COL4A5: variants seen among roughly 807,000 people sequenced by gnomAD.
COL4A5 encodes the protein collagen alpha-5(IV) chain.
Under a neutral mutation model 130.2 loss-of-function variants are expected in COL4A5, and 26 were observed. That is an observed-to-expected ratio of 0.20 (90% CI 0.15 to 0.28). COL4A5 has a LOEUF of 0.28. Among genes scored for constraint, COL4A5 ranks in the 10% least tolerant of loss-of-function variants. The pLI, the probability that COL4A5 is intolerant of heterozygous loss-of-function variation, is 1.00. For missense variants in COL4A5, 1,131 were observed against 1,344.3 expected, an observed-to-expected ratio of 0.84 and a Z score of 2.48; for synonymous variants, 496 against 439.6, an observed-to-expected ratio of 1.13 and a Z score of -1.60.
At chrX:108,678,839 C>T (rs895074691) in intron 44 of COL4A5, among the ~76,000 whole-genome samples, 1 of 111,926 alleles carries the variant, frequency 8.9e-6, no homozygotes, top group African/African-American at 3.2e-5. Flanking sequence ...TCTTCCAGTA[C>T]AGGATCCAGG....
intron 13 of COL4A5, among the ~76,000 whole-genome samples, chrX:108,579,673 C>T (rs978702031): frequency 2.1e-4 from 24 of 111,875 alleles, no homozygotes; most frequent in African/African-American, 7.8e-4. Context: ...CTTTAACAAA[C>T]AGAATGTGTG....
At chrX:108,663,237 A>G (rs1436889506) in intron 37 of COL4A5, among the ~76,000 whole-genome samples, 1 of 111,961 alleles carries the variant, frequency 8.9e-6, no homozygotes, top group African/African-American at 3.2e-5. Context: ...TATTCTGTCA[A>G]GTTTTAAATT....
intron 1 of COL4A5, among the ~76,000 whole-genome samples, chrX:108,523,217 A>T (rs2065281638): frequency 9.0e-6 from 1 of 111,340 alleles, no homozygotes; most frequent in Non-Finnish European, 1.9e-5. Flanking sequence ...AGAGTTTTAT[A>T]GTTTTAGTTC....
At chrX:108,456,220 A>C (rs1211127493) in intron 1 of COL4A5, among the ~76,000 whole-genome samples, 2 of 111,346 alleles carry the variant, frequency 1.8e-5, no homozygotes, top group African/African-American at 3.3e-5. Context: ...TCATTTTTAA[A>C]ATTTTATTTT....
rs1203616884 is a variant in COL4A5 at position 108,473,633 on chromosome X, A to ATTTTT, written c.81+33436_81+33440dup. Among the ~76,000 whole-genome samples, 135 of 34,539 alleles carry ATTTTT rather than the reference A, an allele frequency of 3.9e-3. 1 individual carries two copies. The highest frequency in any genetic ancestry group is 0.012 in the African/African-American group (108 of 9,271). 30.0% of individuals were successfully genotyped at this position (34,539 alleles called of 115,157 possible). A position where few individuals can be genotyped will look rare whatever the true frequency, so the allele number is the denominator to read the frequency against. ...TATATGTATATATATATATATATAT[A>ATTTTT]TTTTTTTTTTTTTGAGATGAAGTCT... is the stretch of plus-strand genomic sequence containing the variant. On this transcript the variant is annotated intron_variant, in intron 1 of 52. Coordinates refer to ENST00000328300, the MANE Select transcript of COL4A5 (RefSeq NM_033380.3).
At chrX:108,468,418 A>G (rs2064730065) in intron 1 of COL4A5, among the ~76,000 whole-genome samples, 1 of 112,119 alleles carries the variant, frequency 8.9e-6, no homozygotes, top group Non-Finnish European at 1.9e-5. Context: ...GGTGAAACCA[A>G]GCATCCTTAG....
At chrX:108,590,959 A>G in intron 19 of COL4A5, 99 bp from the exon 20 acceptor site, 2 of 786,213 alleles carry the variant, frequency 2.5e-6, no homozygotes, top group Admixed American at 3.0e-5. Context: ...AACCAGAATT[A>G]TATGTTAAAG....
At position 108,490,708 on chromosome X, in the gene COL4A5, C is replaced by T. The variant is rs1222919186; in HGVS notation, c.82-49038C>T. Among the ~76,000 whole-genome samples the T allele has an allele frequency of 2.7e-5, 3 of 110,812 alleles. No homozygotes were observed. The East Asian group carries it at 8.5e-4, about 31-fold the overall frequency. On this transcript the variant is annotated intron_variant, in intron 1 of 52. Coordinates refer to ENST00000328300, the MANE Select transcript of COL4A5 (RefSeq NM_033380.3). Reference sequence around the variant, plus strand: ...TGAAGGTTTGTTACACAGGTAAACACGTGTCATGGGGGTTTGTTTTACATA... The same window carrying T: ...TGAAGGTTTGTTACACAGGTAAACATGTGTCATGGGGGTTTGTTTTACATA...
At position 108,597,513 on chromosome X, in the gene COL4A5, C is replaced by A. The variant is rs757337952; in HGVS notation, c.1724C>A (p.Pro575His). 9.9e-6 allele frequency: 12 copies of A among 1,210,520 alleles called. No individual in the cohort carries two copies. Among genetic ancestry groups the A allele is most frequent in the Non-Finnish European group, 1.3e-5 (12 of 895,159 alleles). The change falls in exon 24 of 53, where the codon CCT becomes CAT. Residue 575 changes from proline to histidine, a missense_variant. Physicochemically the swap from Pro to His is moderately conservative, Grantham distance 77 (BLOSUM62 -2). Transcript: ENST00000328300. ...GGAGCTCCAGGGCTTCCTGGTTTAC[C>A]TGGCACTCCTGGACAGGATGGATTG... ...SPGAPGLPGL[P>H]GTPGQDGLPG... is the part of the protein sequence containing the mutation.
At chrX:108,645,855 T>C (rs2067572887) in intron 36 of COL4A5, among the ~76,000 whole-genome samples, 1 of 109,351 alleles carries the variant, frequency 9.1e-6, no homozygotes, top group Admixed American at 9.8e-5. Flanking sequence ...CTTGCGATAG[T>C]TTGCTGAGAA....
At chrX:108,530,863 A>G (rs1457416065) in intron 1 of COL4A5, among the ~76,000 whole-genome samples, 3 of 108,577 alleles carry the variant, frequency 2.8e-5, no homozygotes, top group Non-Finnish European at 5.7e-5. Flanking sequence ...TACTAGGTAT[A>G]TACCCAAAGG....
chrX:108,596,067 C>A lies in COL4A5; in HGVS notation c.1516+466C>A, dbSNP rs1340996716. Among the ~76,000 whole-genome samples, 4 of 111,539 alleles carry A rather than the reference C, an allele frequency of 3.6e-5. No individual in the cohort carries two copies. In the East Asian group the frequency reaches 1.1e-3, roughly 31 times the overall value. ...TCTCTCTATATATAACACATCTATCCCCCTTTCCAGTCAAAACTATATGTG... is the reference window on the plus strand; with the variant it reads ...TCTCTCTATATATAACACATCTATCACCCTTTCCAGTCAAAACTATATGTG... On this transcript the variant is annotated intron_variant, in intron 22 of 52. Coordinates refer to ENST00000328300, the MANE Select transcript of COL4A5 (RefSeq NM_033380.3).
chrX:108,680,684 T>G lies in COL4A5; in HGVS notation c.3948T>G (p.Asn1316Lys), dbSNP rs770923439. 8.3e-7 allele frequency: 1 copy of G among 1,208,808 alleles called. No homozygotes were observed. Among genetic ancestry groups the G allele is most frequent in the Non-Finnish European group, 1.1e-6 (1 of 893,317 alleles). Residue 1316 changes from asparagine (N) to lysine (K), a missense_variant, in exon 45 of 53, where the codon AAT becomes AAG. Coordinates refer to ENST00000328300, the MANE Select transcript of COL4A5 (RefSeq NM_033380.3). ...TAATGATTTTATTTATTCAGGGTAA[T>G]CCTGGCCGGCCGGGTCTCAATGGAA... is the stretch of plus-strand genomic sequence containing the variant. ...GDQGPPGLQG[N>K]PGRPGLNGMK...
chrX:108,642,609 C>A (rs2067491953), intron 36 of COL4A5, among the ~76,000 whole-genome samples: 1 of 110,504 alleles, frequency 9.0e-6, no homozygotes, highest in African/African-American at 3.3e-5. Flanking sequence ...GGTAGACTTT[C>A]TGGGTGGCTA....
intron 1 of COL4A5, among the ~76,000 whole-genome samples, chrX:108,480,670 C>A (rs979806400): frequency 8.9e-6 from 1 of 112,767 alleles, no homozygotes; most frequent in African/African-American, 3.2e-5. Context: ...TACTAGGTAC[C>A]AGGAGATGTG....
intron 51 of COL4A5, 38 bp from the exon 52 acceptor site, chrX:108,695,229 C>T (rs765575422): frequency 5.0e-6 from 6 of 1,203,141 alleles, no homozygotes; most frequent in African/African-American, 3.5e-5. Flanking sequence ...TATTATGGCA[C>T]ATGGGTATTG....
rs181621573 is a variant in COL4A5 at position 108,645,132 on chromosome X, A to G, written c.3247-10199A>G. Among the ~76,000 whole-genome samples, 14 of 110,703 alleles carry G rather than the reference A, an allele frequency of 1.3e-4. 1 individual carries two copies. The highest frequency in any genetic ancestry group is 1.3e-3 in the Admixed American group (13 of 10,339). On this transcript the variant is annotated intron_variant, in intron 36 of 52. Transcript: ENST00000328300. ...TACATCAAAAAGACGAAAAGAGCACAAACTGACATTCCAAGGTCACACCTC... is the reference window on the plus strand; with the variant it reads ...TACATCAAAAAGACGAAAAGAGCACGAACTGACATTCCAAGGTCACACCTC...
chrX:108,520,284 G>T (rs2065253387), intron 1 of COL4A5, among the ~76,000 whole-genome samples: 1 of 111,380 alleles, frequency 9.0e-6, no homozygotes. Flanking sequence ...CATCCTTCGA[G>T]ATTTGTTTAG....
intron 21 of COL4A5, among the ~76,000 whole-genome samples, chrX:108,592,294 G>T (rs187680464): frequency 3.0e-4 from 33 of 110,976 alleles, no homozygotes; most frequent in African/African-American, 9.8e-4. Context: ...TTATACAATA[G>T]ATTCCATTTC....
Sources: allele counts gnomAD v4.1 joint callset (sites outside exome capture counted in the v4.1 genomes callset), GRCh38; gene constraint gnomAD v4.1.1; transcripts MANE v1.5; gene names NCBI Gene and HGNC (gene_info 2026-07-23, HGNC 2026-07-21).